Variants in PPP2R2D observed in about 807,000 individuals in gnomAD.
PPP2R2D encodes the protein serine/threonine-protein phosphatase 2A 55 kDa regulatory subunit B delta isoform.
Under a neutral mutation model 31.1 loss-of-function variants are expected in PPP2R2D, and 9 were observed. That is an observed-to-expected ratio of 0.29 (90% CI 0.17 to 0.51). PPP2R2D has a LOEUF of 0.51. Among genes scored for constraint, PPP2R2D ranks in the 20% least tolerant of loss-of-function variants. The pLI is 0.98. For missense variants in PPP2R2D, 391 were observed against 465.6 expected (o/e 0.84, Z 1.48); for synonymous variants, 179 against 172.6 (o/e 1.04, Z -0.29).
intron 8 of PPP2R2D, among the ~76,000 whole-genome samples, chr10:131,954,766 G>A (rs958661430): frequency 1.3e-5 from 2 of 152,200 alleles, no homozygotes; most frequent in Admixed American, 6.5e-5. Context: ...CCTTGAAGAC[G>A]CGCCAGCGTG....
At chr10:131,954,733 C>T (rs1257074066) in intron 8 of PPP2R2D, among the ~76,000 whole-genome samples, 4 of 152,014 alleles carry the variant, frequency 2.6e-5, no homozygotes, top group African/African-American at 4.8e-5. Context: ...GGAAGGGAAG[C>T]GGCCCGCTTC....
chr10:131,957,491 G>A lies in PPP2R2D; in HGVS notation c.*1528G>A. 1 of 188,750 alleles carries A rather than the reference G, an allele frequency of 5.3e-6. No individual in the cohort carries two copies. Among genetic ancestry groups the A allele is most frequent in the Non-Finnish European group, 1.1e-5 (1 of 91,210 alleles). 11.7% of individuals were successfully genotyped at this position (188,750 alleles called of 1,614,324 possible). A position where few individuals can be genotyped will look rare whatever the true frequency, so the allele number is the denominator to read the frequency against. On this transcript the variant is annotated 3_prime_UTR_variant, in exon 9 of 9. Transcript: ENST00000455566. ...TCCTCATGCCCCTGTCTGGATGAAG[G>A]TGTGTGCTGATCCCCCGTCCCCCTG... is the stretch of plus-strand genomic sequence containing the variant.
chr10:131,926,833 C>T (rs2036116140), intron 2 of PPP2R2D, among the ~76,000 whole-genome samples: 1 of 152,236 alleles, frequency 6.6e-6, no homozygotes, highest in Admixed American at 6.5e-5. Flanking sequence ...GGCACCTTGC[C>T]TCTGCCCAGC....
chr10:131,933,206 G>T (rs1004145585), intron 2 of PPP2R2D, among the ~76,000 whole-genome samples: 1 of 152,200 alleles, frequency 6.6e-6, no homozygotes, highest in East Asian at 1.9e-4. Flanking sequence ...AGTGCCAGCC[G>T]CGGGAGCTTG....
At chr10:131,960,044 G>A (rs2036901039), downstream of PPP2R2D, among the ~76,000 whole-genome samples, 1 of 152,174 alleles carries the variant, frequency 6.6e-6, no homozygotes, top group Non-Finnish European at 1.5e-5. Flanking sequence ...TCGTCACCTA[G>A]CTCTGGGGCG....
chr10:131,924,286 T>A (rs868910910), intron 2 of PPP2R2D, among the ~76,000 whole-genome samples: 1 of 152,180 alleles, frequency 6.6e-6, no homozygotes, highest in African/African-American at 2.4e-5. Context: ...CATTTAGGTC[T>A]CTGATCCATG....
chr10:131,942,606 C>G (rs2036461266), intron 5 of PPP2R2D, among the ~76,000 whole-genome samples: 1 of 152,138 alleles, frequency 6.6e-6, no homozygotes, highest in Non-Finnish European at 1.5e-5. Flanking sequence ...GTGGCTCATA[C>G]CTGTAATCCC....
At chr10:131,916,383 A>G (rs1402628024) in intron 2 of PPP2R2D, among the ~76,000 whole-genome samples, 1 of 150,826 alleles carries the variant, frequency 6.6e-6, no homozygotes, top group Non-Finnish European at 1.5e-5. Context: ...GGTAAAATAT[A>G]CATGGCATAA....
intron 2 of PPP2R2D, among the ~76,000 whole-genome samples, chr10:131,905,589 A>T (rs2035568722): frequency 6.6e-6 from 1 of 152,208 alleles, no homozygotes; most frequent in Non-Finnish European, 1.5e-5. Flanking sequence ...CTGAGTGGTC[A>T]TTCTGTGCTA....
intron 8 of PPP2R2D, among the ~76,000 whole-genome samples, chr10:131,950,766 G>A (rs1392649518): frequency 6.6e-6 from 1 of 152,030 alleles, no homozygotes; most frequent in Non-Finnish European, 1.5e-5. Flanking sequence ...TGTGTTTGGG[G>A]GAGAAAAATT....
chr10:131,961,648 G>A (rs1413031182), downstream of PPP2R2D, among the ~76,000 whole-genome samples: 1 of 152,142 alleles, frequency 6.6e-6, no homozygotes, highest in Non-Finnish European at 1.5e-5. Flanking sequence ...TAGGAACTGC[G>A]GCACCCCCGA....
downstream of PPP2R2D, among the ~76,000 whole-genome samples, chr10:131,960,207 C>T (rs140320198): frequency 1.1e-4 from 16 of 152,284 alleles, no homozygotes; most frequent in Non-Finnish European, 1.8e-4. Flanking sequence ...CCTCAACAGG[C>T]GCGGAGGAAG....
At chr10:131,960,746 A>C (rs1477239472), downstream of PPP2R2D, among the ~76,000 whole-genome samples, 1 of 152,184 alleles carries the variant, frequency 6.6e-6, no homozygotes, top group Admixed American at 6.5e-5. Flanking sequence ...GGTGGCCTTA[A>C]GCTTGCTTTC....
the PPP2R2D span, chr10:131,971,168 C>T: frequency 1.7e-5 from 10 of 584,632 alleles, no homozygotes; most frequent in African/African-American, 7.5e-5. Flanking sequence ...CGGCTCACAG[C>T]ACGCTCGCCG....
At chr10:131,921,580 A>G (rs1200845138) in intron 2 of PPP2R2D, among the ~76,000 whole-genome samples, 1 of 152,160 alleles carries the variant, frequency 6.6e-6, no homozygotes, top group Non-Finnish European at 1.5e-5. Context: ...TGTGAAAGCA[A>G]AGGGAGTAAG....
chr10:131,929,697 G>A (rs1301174737), intron 2 of PPP2R2D, among the ~76,000 whole-genome samples: 13 of 151,910 alleles, frequency 8.6e-5, no homozygotes, highest in Non-Finnish European at 1.6e-4. Context: ...GCTGTGCTCC[G>A]TGCCTCCCTC....
chr10:131,922,403 A>G (rs1205411046), intron 2 of PPP2R2D, among the ~76,000 whole-genome samples: 1 of 151,662 alleles, frequency 6.6e-6, no homozygotes, highest in Non-Finnish European at 1.5e-5. Flanking sequence ...TCCACAATGT[A>G]TGTATACTTT....
At chr10:131,915,850 T>C (rs917749256) in intron 2 of PPP2R2D, among the ~76,000 whole-genome samples, 2 of 152,188 alleles carry the variant, frequency 1.3e-5, no homozygotes. Context: ...TAACCAAAAT[T>C]ATTAATCTCC....
chr10:131,902,082 T>A (rs1188867048), intron 2 of PPP2R2D, among the ~76,000 whole-genome samples: 1 of 152,146 alleles, frequency 6.6e-6, no homozygotes, highest in Admixed American at 6.5e-5. Flanking sequence ...CACCCCAGCT[T>A]CCCATGAAGC....
Sources: gnomAD v4.1 joint callset for allele counts (sites outside exome capture counted in the v4.1 genomes callset) on GRCh38, gnomAD v4.1.1 for gene constraint, MANE v1.5 for transcripts, NCBI Gene and HGNC (gene_info 2026-07-23, HGNC 2026-07-21) for gene names.